Variants in NUAK1 observed in about 807,000 individuals in gnomAD.
NUAK1 encodes the protein NUAK family SNF1-like kinase 1.
Under a neutral mutation model 56.9 loss-of-function variants are expected in NUAK1, and 26 were observed. The observed-to-expected ratio is 0.46, with a 90% CI of 0.33 to 0.63. The LOEUF (loss-of-function observed/expected upper bound fraction) is 0.63. NUAK1 is among the 30% of genes least tolerant of loss of function. The probability of loss-of-function intolerance (pLI) is 0.02; values close to 1 mark genes in which losing one functional copy is unlikely to be tolerated. For synonymous variants in NUAK1, 337 were observed against 336.0 expected, an observed-to-expected ratio of 1.00 and a Z score of -0.03; for missense variants, 727 against 876.1, an observed-to-expected ratio of 0.83 and a Z score of 2.15.
At chr12:106,072,688 C>T in intron 5 of NUAK1, 36 bp downstream of exon 5, 3 of 1,580,902 alleles carry the variant, frequency 1.9e-6, no homozygotes, top group Non-Finnish European at 2.6e-6. Flanking sequence ...TCTCCCTCCC[C>T]TCCCCTGCCC....
intron 1 of NUAK1, among the ~76,000 whole-genome samples, chr12:106,125,360 A>G (rs2033016323): frequency 6.6e-6 from 1 of 152,168 alleles, no homozygotes; most frequent in African/African-American, 2.4e-5. Context: ...CACGGAGGCA[A>G]CTTCTCTGTG....
intron 1 of NUAK1, among the ~76,000 whole-genome samples, chr12:106,130,990 A>T (rs1003849551): frequency 2.0e-5 from 3 of 152,224 alleles, no homozygotes; most frequent in Non-Finnish European, 4.4e-5. Flanking sequence ...GTGGGCTGGC[A>T]TACAGACACA....
chr12:106,120,244 C>T (rs1002763890), intron 1 of NUAK1, among the ~76,000 whole-genome samples: 2 of 152,180 alleles, frequency 1.3e-5, no homozygotes, highest in African/African-American at 4.8e-5. Flanking sequence ...ACTTACAGCA[C>T]CACTGCAACT....
chr12:106,119,981 G>GA (rs11451604), intron 1 of NUAK1, among the ~76,000 whole-genome samples: 54,569 of 151,908 alleles, frequency 0.36, 11,604 homozygotes, highest in Middle Eastern at 0.49. Flanking sequence ...CAATTATCTG[G>GA]AAAAAAATAT....
intron 2 of NUAK1, 36 bp from the exon 3 acceptor site, chr12:106,086,921 T>C (rs774474031): frequency 6.3e-7 from 1 of 1,595,428 alleles, no homozygotes; most frequent in African/African-American, 1.3e-5. Context: ...AAACACCCCG[T>C]TTAGCCAACA....
At chr12:106,112,701 G>A (rs1324531412) in intron 1 of NUAK1, among the ~76,000 whole-genome samples, 1 of 152,122 alleles carries the variant, frequency 6.6e-6, no homozygotes, top group Non-Finnish European at 1.5e-5. Context: ...TTAGCCTGTT[G>A]GTTCATGTCC....
At chr12:106,122,996 C>T (rs2032993089) in intron 1 of NUAK1, among the ~76,000 whole-genome samples, 1 of 152,228 alleles carries the variant, frequency 6.6e-6, no homozygotes, top group Non-Finnish European at 1.5e-5. Context: ...CGACAAATAT[C>T]AGATGAATCC....
At chr12:106,083,792 G>A in intron 4 of NUAK1, 72 bp downstream of exon 4, 1 of 1,341,430 alleles carries the variant, frequency 7.5e-7, no homozygotes, top group Non-Finnish European at 1.1e-6. Flanking sequence ...GCTGCGGCTT[G>A]GAGCAGGTTA....
chr12:106,121,467 A>C (rs1360550684), intron 1 of NUAK1, among the ~76,000 whole-genome samples: 1 of 152,102 alleles, frequency 6.6e-6, no homozygotes, highest in African/African-American at 2.4e-5. Flanking sequence ...AAAGGGTGGG[A>C]GGCTGGGCGT....
chr12:106,138,872 C>G lies in NUAK1; in HGVS notation c.-219G>C. The G allele has an allele frequency of 2.0e-6, 1 of 509,024 alleles. No individual in the cohort carries two copies. The allele number at this position is 509,024 out of a possible 1,614,324, so 31.5% of individuals were successfully genotyped here. On this transcript the variant is annotated 5_prime_UTR_variant, in exon 1 of 7. Transcript: ENST00000261402. The surrounding 1 kb of genome is among the most constrained non-coding windows in gnomAD (Gnocchi z 5.0). The stretch of plus-strand genomic sequence containing the variant: ...GCACGGTCCGCGCACCGCCCCCCGG[C>G]CGCGGCGAGCTGTGGAGCGTCGGGC...
At chr12:106,084,913 G>A (rs1214631160) in intron 3 of NUAK1, among the ~76,000 whole-genome samples, 1 of 152,172 alleles carries the variant, frequency 6.6e-6, no homozygotes, top group Non-Finnish European at 1.5e-5. Flanking sequence ...CAAACCAACA[G>A]GCATGTTTAT....
intron 4 of NUAK1, among the ~76,000 whole-genome samples, chr12:106,076,052 A>G (rs2032462233): frequency 6.6e-6 from 1 of 152,274 alleles, no homozygotes; most frequent in Non-Finnish European, 1.5e-5. Flanking sequence ...CTCAACAAAA[A>G]TATTAAGTAA....
intron 3 of NUAK1, among the ~76,000 whole-genome samples, chr12:106,085,907 A>G (rs987561193): frequency 2.0e-5 from 3 of 151,944 alleles, no homozygotes; most frequent in African/African-American, 4.8e-5. Flanking sequence ...GGATCTTGCT[A>G]TGTTGCCCTG....
chr12:106,106,314 C>A, intron 2 of NUAK1, 91 bp downstream of exon 2: 1 of 1,237,180 alleles, frequency 8.1e-7, no homozygotes, highest in East Asian at 2.5e-5. Flanking sequence ...GGCTTCTGCC[C>A]AGAAGGGCAA....
intron 1 of NUAK1, among the ~76,000 whole-genome samples, chr12:106,125,649 C>T (rs751398143): frequency 1.3e-5 from 2 of 152,180 alleles, no homozygotes; most frequent in Non-Finnish European, 2.9e-5. Context: ...CTGGACCTTC[C>T]TACACAACCA....
chr12:106,079,042 C>A lies in NUAK1; in HGVS notation c.579+4822G>T, dbSNP rs543724663. On this transcript the variant is annotated intron_variant, in intron 4 of 6. Transcript: ENST00000261402. ...GATAGTAAGAGTAGAGAGTAGAATTCATCAGGTGTCTGGTCTTTAGAGTCA... is the reference window on the plus strand; with the variant it reads ...GATAGTAAGAGTAGAGAGTAGAATTAATCAGGTGTCTGGTCTTTAGAGTCA... Among the ~76,000 whole-genome samples the A allele has an allele frequency of 1.1e-4, 17 of 152,308 alleles. No homozygotes were observed. In the East Asian group the frequency reaches 3.3e-3, roughly 30 times the overall value.
chr12:106,081,595 T>C lies in NUAK1; in HGVS notation c.579+2269A>G, dbSNP rs374042213. Among the ~76,000 whole-genome samples the C allele has an allele frequency of 1.5e-4, 23 of 152,364 alleles. No homozygotes were observed. The East Asian group carries it at 4.4e-3, about 29-fold the overall frequency. On this transcript the variant is annotated intron_variant, in intron 4 of 6. Transcript: ENST00000261402. The stretch of plus-strand genomic sequence containing the variant: ...TGCAGGGGAACTGTCAGGCCCAACA[T>C]CATTGCCCTTTTGCTTACACAAATG...
In NUAK1 at chr12:106,089,896, G is replaced by A. The variant is rs2032618019; in HGVS notation, c.362-3011C>T. ...CAGACCTCACACTTGCCTCCCTGCT[G>A]ACTGCATTTGGAGGGGTCAAGAAAT... On this transcript the variant is annotated intron_variant, in intron 2 of 6. Transcript: ENST00000261402. Among the ~76,000 whole-genome samples, 3 of 152,158 alleles carry A rather than the reference G, an allele frequency of 2.0e-5. No homozygotes were observed. In the South Asian group the frequency reaches 6.2e-4, roughly 31 times the overall value.
chr12:106,087,710 G>A (rs1212502936), intron 2 of NUAK1, among the ~76,000 whole-genome samples: 2 of 152,168 alleles, frequency 1.3e-5, no homozygotes, highest in South Asian at 4.1e-4. Flanking sequence ...CAAATAATCA[G>A]GGAAATATCT....
Sources: gnomAD v4.1 joint callset for allele counts (sites outside exome capture counted in the v4.1 genomes callset) on GRCh38, gnomAD v4.1.1 for gene constraint, Gnocchi (gnomAD v3.1) non-coding constraint, MANE v1.5 for transcripts, NCBI Gene and HGNC (gene_info 2026-07-23, HGNC 2026-07-21) for gene names.